The following AIG1 variants were observed in gnomAD, a reference collection of about 807,000 sequenced individuals.
AIG1 encodes androgen-induced gene 1 protein.
In AIG1, 23 loss-of-function variants were observed where a neutral mutation model predicts 31.4. The observed-to-expected ratio is 0.73, with a 90% CI of 0.53 to 1.04. AIG1 has a LOEUF of 1.04. AIG1 is among the 50% of genes least tolerant of loss of function. The pLI is 0.00. For missense variants in AIG1, 274 were observed against 295.0 expected, an observed-to-expected ratio of 0.93 and a Z score of 0.52; for synonymous variants, 100 against 110.5, an observed-to-expected ratio of 0.90 and a Z score of 0.60.
intron 1 of AIG1, among the ~76,000 whole-genome samples, chr6:143,134,983 G>A (rs1056489727): frequency 1.3e-5 from 2 of 152,040 alleles, no homozygotes; most frequent in Admixed American, 1.3e-4. Context: ...TTTACTATGA[G>A]TTTATAGGGA....
chr6:143,259,094 G>C (rs1203306335), intron 3 of AIG1, among the ~76,000 whole-genome samples: 1 of 152,118 alleles, frequency 6.6e-6, no homozygotes, highest in Non-Finnish European at 1.5e-5. Context: ...TGATCTCTTT[G>C]CACACATCCA....
Position 143,261,849 on chromosome 6 carries a change from C to T in AIG1, c.400-22261C>T, listed in dbSNP as rs1795800891. Among the ~76,000 whole-genome samples, 5 of 152,184 alleles carry T rather than the reference C, an allele frequency of 3.3e-5. No individual in the cohort carries two copies. In the South Asian group the frequency reaches 8.3e-4, roughly 25 times the overall value. ...TCTAGCTTTGCAGTGATTTAGGGAA[C>T]GTCTTGATGTCTTTTTCCTCATTGA... On this transcript the variant is annotated intron_variant, in intron 3 of 5. Coordinates refer to ENST00000357847, the MANE Select transcript of AIG1 (RefSeq NM_016108.4).
At chr6:143,236,384 G>A (rs1793808710) in intron 3 of AIG1, among the ~76,000 whole-genome samples, 1 of 152,248 alleles carries the variant, frequency 6.6e-6, no homozygotes, top group Admixed American at 6.5e-5. Context: ...TCTGGAGTCA[G>A]GAGTTTTCAA....
intron 3 of AIG1, among the ~76,000 whole-genome samples, chr6:143,261,906 ATCCTTGCAC>A (rs1454151435): frequency 6.6e-6 from 1 of 152,238 alleles, no homozygotes. Flanking sequence ...TTGGCTGATA[ATCCTTGCAC>A]TCTTGAAAAA....
chr6:143,178,458 G>C (rs1188612007), intron 3 of AIG1, among the ~76,000 whole-genome samples: 2 of 152,170 alleles, frequency 1.3e-5, no homozygotes, highest in South Asian at 2.1e-4. Context: ...ACTGAGCTCA[G>C]GGCCTGTCAG....
chr6:143,195,658 G>T (rs1160788853), intron 3 of AIG1, among the ~76,000 whole-genome samples: 1 of 150,988 alleles, frequency 6.6e-6, no homozygotes, highest in Non-Finnish European at 1.5e-5. Context: ...ACACAGGGAA[G>T]CTGGGAGGGA....
chr6:143,163,592 T>G (rs747762314), intron 2 of AIG1, among the ~76,000 whole-genome samples: 10 of 152,160 alleles, frequency 6.6e-5, no homozygotes, highest in Non-Finnish European at 8.8e-5. Context: ...TAGATCTCTG[T>G]GGGGTCCTCC....
rs149389969 is a variant in AIG1, at chr6:143,246,166, C to T, written c.400-37944C>T. ...AATTGACTCAACTTAGGTAAACTAC[C>T]GAAGCCCTCTAAGTTTCATTCAGTT... On this transcript the variant is annotated intron_variant, in intron 3 of 5. Coordinates refer to ENST00000357847, the MANE Select transcript of AIG1 (RefSeq NM_016108.4). Among the ~76,000 whole-genome samples, 1,375 of 152,104 alleles carry T rather than the reference C, an allele frequency of 9.0e-3. 10 individuals carry two copies. Among genetic ancestry groups the T allele is most frequent in the South Asian group, 0.034 (166 of 4,826 alleles).
chr6:143,103,956 C>T (rs555203731), intron 1 of AIG1, among the ~76,000 whole-genome samples: 2 of 152,252 alleles, frequency 1.3e-5, no homozygotes, highest in East Asian at 3.9e-4. Context: ...TCATTTTCTG[C>T]CCTAAATGGA....
chr6:143,244,056 A>G (rs557971689), intron 3 of AIG1, among the ~76,000 whole-genome samples: 17 of 152,240 alleles, frequency 1.1e-4, no homozygotes, highest in Non-Finnish European at 2.1e-4. Context: ...ATGAGTACAC[A>G]TGACACCTGC....
intron 3 of AIG1, among the ~76,000 whole-genome samples, chr6:143,191,202 G>A (rs1789761103): frequency 6.6e-6 from 1 of 152,056 alleles, no homozygotes; most frequent in South Asian, 2.1e-4. Context: ...ACTCTAATGG[G>A]TTAGTTATAG....
At position 143,297,290 on chromosome 6, in the gene AIG1, C is replaced by T. The variant is rs1260448256; in HGVS notation, c.515+13065C>T. On this transcript the variant is annotated intron_variant, in intron 4 of 5. Transcript: ENST00000357847. The surrounding 1 kb of genome is among the most constrained non-coding windows in gnomAD (Gnocchi z 5.1). The stretch of plus-strand genomic sequence containing the variant: ...CGGAGAGGAAACCATAGTCAGGGAG[C>T]CAAAGCAGTTCAGTGCACCTGGACC... Among the ~76,000 whole-genome samples the T allele has an allele frequency of 6.6e-6, 1 of 152,140 alleles. No individual in the cohort carries two copies.
intron 1 of AIG1, among the ~76,000 whole-genome samples, chr6:143,111,199 A>G (rs773321157): frequency 6.6e-5 from 10 of 152,100 alleles, no homozygotes; most frequent in Non-Finnish European, 1.5e-4. Flanking sequence ...GGGAAAGAAT[A>G]TTCCTTCTTG....
chr6:143,285,439 A>G (rs984333442), intron 4 of AIG1, among the ~76,000 whole-genome samples: 14 of 151,318 alleles, frequency 9.3e-5, no homozygotes, highest in African/African-American at 3.4e-4. Context: ...AGGCAGGCAG[A>G]TCACTTGAGA....
Position 143,339,863 on chromosome 6 carries a change from C to G in AIG1, c.*187C>G. 2.2e-6 allele frequency: 1 copy of G among 449,616 alleles called. No homozygotes were observed. The highest frequency in any genetic ancestry group is 4.7e-5 in the South Asian group (1 of 21,056). 27.9% of individuals were successfully genotyped at this position (449,616 alleles called of 1,614,324 possible). A position where few individuals can be genotyped will look rare whatever the true frequency, so the allele number is the denominator to read the frequency against. ...GAATACAGTTGTTTCCAAAAGAACT[C>G]ACCCTCACTGTGTGTTAAAGAATTC... On this transcript the variant is annotated 3_prime_UTR_variant, in exon 6 of 6. Coordinates refer to ENST00000357847, the MANE Select transcript of AIG1 (RefSeq NM_016108.4).
At chr6:143,203,285 C>T (rs952967945) in intron 3 of AIG1, among the ~76,000 whole-genome samples, 2 of 152,190 alleles carry the variant, frequency 1.3e-5, no homozygotes, top group African/African-American at 4.8e-5. Context: ...GGCAGTCTGA[C>T]TTCACAGTCC....
chr6:143,200,080 GGATCT>G (rs1156310561), intron 3 of AIG1, among the ~76,000 whole-genome samples: 4 of 152,138 alleles, frequency 2.6e-5, no homozygotes, highest in African/African-American at 9.7e-5. Flanking sequence ...GAAGTAAAGA[GGATCT>G]GACTGAGAAA....
At chr6:143,204,722 G>A (rs958370215) in intron 3 of AIG1, among the ~76,000 whole-genome samples, 6 of 152,040 alleles carry the variant, frequency 3.9e-5, no homozygotes, top group African/African-American at 1.2e-4. Context: ...AACAATGTGC[G>A]GAGTCCAAAT....
intron 1 of AIG1, chr6:143,099,381 A>T (rs1340632890): frequency 6.6e-6 from 1 of 152,248 alleles, no homozygotes; most frequent in Non-Finnish European, 1.5e-5. Context: ...TCTAAGCAAG[A>T]CAGGGATTAT....
Sources: gnomAD v4.1 joint callset for allele counts (sites outside exome capture counted in the v4.1 genomes callset) on GRCh38, gnomAD v4.1.1 for gene constraint, Gnocchi (gnomAD v3.1) non-coding constraint, MANE v1.5 for transcripts, NCBI Gene and HGNC (gene_info 2026-07-23, HGNC 2026-07-21) for gene names.